SFRP4: variants seen among roughly 807,000 people sequenced by gnomAD.
SFRP4 encodes secreted frizzled-related protein 4.
Under a neutral mutation model 36.3 loss-of-function variants are expected in SFRP4, and 25 were observed. The ratio of observed to expected loss-of-function variants is 0.69; its 90% confidence interval spans 0.50 to 0.96. The LOEUF is 0.96. Among genes scored for constraint, SFRP4 ranks in the 40% least tolerant of loss-of-function variants. The pLI is 0.00. For synonymous variants in SFRP4, 182 were observed against 168.8 expected (o/e 1.08, Z -0.60); for missense variants, 487 against 459.6 (o/e 1.06, Z -0.54).
Position 37,906,239 on chromosome 7 carries a change from A to G in SFRP4, c.*1240T>C, listed in dbSNP as rs1013875292. 1 of 152,172 alleles carries G rather than the reference A, an allele frequency of 6.6e-6. No individual in the cohort carries two copies. The highest frequency in any genetic ancestry group is 2.4e-5 in the African/African-American group (1 of 41,440). 9.4% of individuals were successfully genotyped at this position (152,172 alleles called of 1,614,324 possible). The stretch of plus-strand genomic sequence containing the variant: ...TGATTACCTCTGTGTAGTGGAGAGT[A>G]GGATTAGATAGGATTTTATTTCCTT... On this transcript the variant is annotated 3_prime_UTR_variant, in exon 6 of 6. Coordinates refer to ENST00000436072, the MANE Select transcript of SFRP4 (RefSeq NM_003014.4).
At chr7:37,915,358 A>T (rs1785557435) in intron 1 of SFRP4, among the ~76,000 whole-genome samples, 1 of 152,252 alleles carries the variant, frequency 6.6e-6, no homozygotes, top group African/African-American at 2.4e-5. Context: ...AGATTCCAGC[A>T]CAGCAATATC....
rs532480304 is a variant in SFRP4 at position 37,913,583 on chromosome 7, A to G, written c.592+630T>C. ...TTCAGATGACAATTGTGAAATTAAAATTACTTAAAACATTTCAAATTTCAT... is the reference window on the plus strand; with the variant it reads ...TTCAGATGACAATTGTGAAATTAAAGTTACTTAAAACATTTCAAATTTCAT... On this transcript the variant is annotated intron_variant, in intron 3 of 5. Transcript: ENST00000436072. Among the ~76,000 whole-genome samples, 25 of 152,360 alleles carry G rather than the reference A, an allele frequency of 1.6e-4. No individual in the cohort carries two copies. The South Asian group carries it at 5.2e-3, about 32-fold the overall frequency.
rs1764021845 is a variant in SFRP4, at chr7:37,916,411, G to A, written c.127C>T (p.Pro43Ser). ...RHMPWNITRM[P>S]NHLHHSTQEN... is the part of the protein sequence containing the mutation. ...TGCGTGCTGTGGTGCAGGTGGTTGG[G>A]CATCCGCGTGATGTTCCAGGGCATG... The change falls in exon 1 of 6, where the codon CCC becomes TCC. Residue 43 changes from proline (P) to serine (S), a missense_variant. Transcript: ENST00000436072. The surrounding 1 kb of genome is among the most constrained non-coding windows in gnomAD (Gnocchi z 4.1). 6.2e-7 allele frequency: 1 copy of A among 1,613,994 alleles called. No individual in the cohort carries two copies. Among genetic ancestry groups the A allele is most frequent in the Non-Finnish European group, 8.5e-7 (1 of 1,179,994 alleles).
chr7:37,907,907 CA>C (rs1480374801), intron 5 of SFRP4, among the ~76,000 whole-genome samples: 1 of 152,114 alleles, frequency 6.6e-6, no homozygotes, highest in African/African-American at 2.4e-5. Flanking sequence ...GCACCACTGA[CA>C]GGGGCAGGAA....
chr7:37,914,124 G>T (rs1785537406), intron 3 of SFRP4, 89 bp downstream of exon 3: 1 of 970,606 alleles, frequency 1.0e-6, no homozygotes, highest in East Asian at 2.4e-5. Flanking sequence ...TTTACTTTGT[G>T]ACTAGCTTTA....
chr7:37,911,688 T>C (rs1785489828), intron 4 of SFRP4, among the ~76,000 whole-genome samples: 7 of 152,192 alleles, frequency 4.6e-5, no homozygotes, highest in Admixed American at 4.6e-4. Flanking sequence ...TGCAATACTC[T>C]ATCAAATATT....
At position 37,906,192 on chromosome 7, in the gene SFRP4, T is replaced by A. The variant is rs769501048; in HGVS notation, c.*1287A>T. ...AAGTGCATAAGAAACACCTGGAGAATAATATGCCAAAATACTAATAGTGAT... is the reference window on the plus strand; with the variant it reads ...AAGTGCATAAGAAACACCTGGAGAAAAATATGCCAAAATACTAATAGTGAT... On this transcript the variant is annotated 3_prime_UTR_variant, in exon 6 of 6. Transcript: ENST00000436072. 6.6e-6 allele frequency: 1 copy of A among 152,188 alleles called. No individual in the cohort carries two copies. The highest frequency in any genetic ancestry group is 1.5e-5 in the Non-Finnish European group (1 of 68,036). The allele number at this position is 152,188 out of a possible 1,614,324, so 9.4% of individuals were successfully genotyped here. A position where few individuals can be genotyped will look rare whatever the true frequency, so the allele number is the denominator to read the frequency against.
In SFRP4 at chr7:37,916,724, C is replaced by T. The variant is rs1785587804; in HGVS notation, c.-187G>A. Reference sequence around the variant, plus strand: ...CCGGCCGCGGAGCTCCGCCGTCTGGCACACAGGGCACGAGCAGCGCCAGCT... The same window carrying T: ...CCGGCCGCGGAGCTCCGCCGTCTGGTACACAGGGCACGAGCAGCGCCAGCT... On this transcript the variant is annotated 5_prime_UTR_variant, in exon 1 of 6. Transcript: ENST00000436072. The surrounding 1 kb of genome is among the most constrained non-coding windows in gnomAD (Gnocchi z 4.1). 1.2e-6 allele frequency: 1 copy of T among 850,888 alleles called. No homozygotes were observed. The highest frequency in any genetic ancestry group is 1.8e-5 in the South Asian group (1 of 55,840). 52.7% of individuals were successfully genotyped at this position (850,888 alleles called of 1,614,324 possible). A position where few individuals can be genotyped will look rare whatever the true frequency, so the allele number is the denominator to read the frequency against.
At chr7:37,909,103 T>A (rs1785441029) in intron 5 of SFRP4, among the ~76,000 whole-genome samples, 1 of 152,192 alleles carries the variant, frequency 6.6e-6, no homozygotes, top group Admixed American at 6.5e-5. Context: ...GAATTACCAA[T>A]ATTTCTACGA....
Position 37,916,735 on chromosome 7 carries a change from C to T in SFRP4, c.-198G>A, listed in dbSNP as rs896016022. 6.4e-6 allele frequency: 5 copies of T among 778,794 alleles called. No individual in the cohort carries two copies. The highest frequency in any genetic ancestry group is 8.0e-6 in the Non-Finnish European group (4 of 500,786). The allele number at this position is 778,794 out of a possible 1,614,324, so 48.2% of individuals were successfully genotyped here. ...GCTCCGCCGTCTGGCACACAGGGCACGAGCAGCGCCAGCTCTCAGCCTTCG... is the reference window on the plus strand; with the variant it reads ...GCTCCGCCGTCTGGCACACAGGGCATGAGCAGCGCCAGCTCTCAGCCTTCG... On this transcript the variant is annotated 5_prime_UTR_variant, in exon 1 of 6. In the 5' UTR this introduces an upstream ATG that the reference lacks. Transcript: ENST00000436072. This position sits in a 1 kb window ranked among gnomAD's most constrained non-coding sequence, Gnocchi z 4.1.
Position 37,916,563 on chromosome 7 carries a change from C to G in SFRP4, c.-26G>C, listed in dbSNP as rs753316749. 1 of 1,589,846 alleles carries G rather than the reference C, an allele frequency of 6.3e-7. No homozygotes were observed. The highest frequency in any genetic ancestry group is 1.1e-5 in the South Asian group (1 of 90,514). Reference sequence around the variant, plus strand: ...GGCACTGCCCTCTCGCGCTGCGACCCCGGCAGACAGAAAGCGCCCTTCTCT... The same window carrying G: ...GGCACTGCCCTCTCGCGCTGCGACCGCGGCAGACAGAAAGCGCCCTTCTCT... On this transcript the variant is annotated 5_prime_UTR_variant, in exon 1 of 6. Coordinates refer to ENST00000436072, the MANE Select transcript of SFRP4 (RefSeq NM_003014.4). This position sits in a 1 kb window ranked among gnomAD's most constrained non-coding sequence, Gnocchi z 4.1.
At position 37,912,160 on chromosome 7, in the gene SFRP4, G is replaced by A; in HGVS notation, c.750C>T (p.Pro250=). ...NSSCQCPHIL[P]HQDVLIMCYE... is the part of the protein sequence containing the mutation. ...AACACATGATGAGAACATCTTGATGGGGCAGGATGTGTGGACACTGGCAAG... is the reference window on the plus strand; with the variant it reads ...AACACATGATGAGAACATCTTGATGAGGCAGGATGTGTGGACACTGGCAAG... The change falls in exon 4 of 6, where the codon CCC becomes CCT. Residue 250 remains proline (P), a synonymous_variant. Transcript: ENST00000436072. The A allele has an allele frequency of 6.2e-7, 1 of 1,614,128 alleles. No homozygotes were observed. The highest frequency in any genetic ancestry group is 8.5e-7 in the Non-Finnish European group (1 of 1,180,008).
intron 5 of SFRP4, 105 bp from the exon 6 acceptor site, chr7:37,907,769 C>A: frequency 2.6e-6 from 2 of 768,598 alleles, no homozygotes; most frequent in African/African-American, 1.8e-5. Context: ...ATATTAATGA[C>A]GGTAACAATT....
At chr7:37,912,739 A>G (rs1298215159) in intron 3 of SFRP4, among the ~76,000 whole-genome samples, 2 of 152,224 alleles carry the variant, frequency 1.3e-5, no homozygotes, top group African/African-American at 4.8e-5. Flanking sequence ...TTTTACAGAG[A>G]TAGTCATTAG....
chr7:37,914,431 T>C lies in SFRP4; in HGVS notation c.468A>G (p.Thr156=). The change falls in exon 2 of 6, where the codon ACA becomes ACG. Residue 156 remains threonine (T), a synonymous_variant. Coordinates refer to ENST00000436072, the MANE Select transcript of SFRP4 (RefSeq NM_003014.4). ...GCCTTTCCTGTACCATCATGTCTGG[T>C]GTGATGTCTATCCACTTAACATCTG... ...LPEDVKWIDI[T]PDMMVQERPL... 4 of 1,613,968 alleles carry C rather than the reference T, an allele frequency of 2.5e-6. No homozygotes were observed. The highest frequency in any genetic ancestry group is 3.4e-6 in the Non-Finnish European group (4 of 1,179,792).
Position 37,906,138 on chromosome 7 carries a change from C to T in SFRP4, c.*1341G>A, listed in dbSNP as rs1349254536. 5 of 152,080 alleles carry T rather than the reference C, an allele frequency of 3.3e-5. No homozygotes were observed. The highest frequency in any genetic ancestry group is 7.4e-5 in the Non-Finnish European group (5 of 68,022). The allele number at this position is 152,080 out of a possible 1,614,324, so 9.4% of individuals were successfully genotyped here. On this transcript the variant is annotated 3_prime_UTR_variant, in exon 6 of 6. Transcript: ENST00000436072. ...TTATGAAACACATGTATAGCAGGTTCCTAGTTTTATTTGTTCAAATCATTT... is the reference window on the plus strand; with the variant it reads ...TTATGAAACACATGTATAGCAGGTTTCTAGTTTTATTTGTTCAAATCATTT...
rs1785509611 is a variant in SFRP4 at position 37,912,455 on chromosome 7, G to A, written c.593-138C>T. ...GTTATGTCCAAGTGGCCTGAGTGCA[G>A]GCAAACAGCCCACACAGTCATATGC... On this transcript the variant is annotated intron_variant, in intron 3 of 5. Transcript: ENST00000436072. 1.4e-5 allele frequency: 9 copies of A among 659,828 alleles called. No individual in the cohort carries two copies. The South Asian group carries it at 1.7e-4, about 12-fold the overall frequency. 40.9% of individuals were successfully genotyped at this position (659,828 alleles called of 1,614,324 possible).
chr7:37,916,010 T>A lies in SFRP4; in HGVS notation c.445+83A>T, dbSNP rs1785567965. 1 of 1,530,232 alleles carries A rather than the reference T, an allele frequency of 6.5e-7. No individual in the cohort carries two copies. Among genetic ancestry groups the A allele is most frequent in the African/African-American group, 1.4e-5 (1 of 72,498 alleles). 94.8% of individuals were successfully genotyped at this position (1,530,232 alleles called of 1,614,324 possible). A position where few individuals can be genotyped will look rare whatever the true frequency, so the allele number is the denominator to read the frequency against. On this transcript the variant is annotated intron_variant, in intron 1 of 5. Coordinates refer to ENST00000436072, the MANE Select transcript of SFRP4 (RefSeq NM_003014.4). The surrounding 1 kb of genome is among the most constrained non-coding windows in gnomAD (Gnocchi z 4.1). Reference sequence around the variant, plus strand: ...CAAGCCTCAGACGCCCCTGGCAGCCTTAGGTGTGGCCGCCCAGTTCTCGAT... The same window carrying A: ...CAAGCCTCAGACGCCCCTGGCAGCCATAGGTGTGGCCGCCCAGTTCTCGAT...
chr7:37,914,346 G>C, intron 2 of SFRP4, 27 bp downstream of exon 2: 1 of 1,610,312 alleles, frequency 6.2e-7, no homozygotes, highest in Non-Finnish European at 8.5e-7. Context: ...GAGAAGTAGA[G>C]GGAACGTCCA....
Sources: gnomAD v4.1 joint callset for allele counts (sites outside exome capture counted in the v4.1 genomes callset) on GRCh38, gnomAD v4.1.1 for gene constraint, Gnocchi (gnomAD v3.1) non-coding constraint, MANE v1.5 for transcripts, NCBI Gene and HGNC (gene_info 2026-07-23, HGNC 2026-07-21) for gene names.